Variants in STK24 observed in about 807,000 individuals in gnomAD.
The protein encoded by STK24 is serine/threonine-protein kinase 24.
Under a neutral mutation model 55.6 loss-of-function variants are expected in STK24, and 21 were observed. That is an observed-to-expected ratio of 0.38 (90% CI 0.27 to 0.54). STK24 has a LOEUF of 0.54. Among genes scored for constraint, STK24 ranks in the 20% least tolerant of loss-of-function variants. The probability of loss-of-function intolerance (pLI) is 0.79; values close to 1 mark genes in which losing one functional copy is unlikely to be tolerated. For missense variants in STK24, 383 were observed against 538.4 expected (o/e 0.71, Z 2.86); for synonymous variants, 200 against 215.2 (o/e 0.93, Z 0.62).
chr13:98,520,559 G>A (rs1473571207), intron 1 of STK24, among the ~76,000 whole-genome samples: 1 of 152,240 alleles, frequency 6.6e-6, no homozygotes, highest in African/African-American at 2.4e-5. Context: ...GAAAGAGAAT[G>A]AGGAGAAGAA....
chr13:98,469,028 C>A (rs17655129), intron 5 of STK24, among the ~76,000 whole-genome samples: 5 of 152,222 alleles, frequency 3.3e-5, no homozygotes, highest in Non-Finnish European at 7.3e-5. Context: ...GAGAGTACGT[C>A]GGTGATGCGC....
At chr13:98,466,600 A>G in intron 5 of STK24, 39 bp from the exon 6 acceptor site, 1 of 1,603,244 alleles carries the variant, frequency 6.2e-7, no homozygotes, top group Non-Finnish European at 8.5e-7. Context: ...ACCAAGCAGG[A>G]ATCTATTCCA....
intron 1 of STK24, among the ~76,000 whole-genome samples, chr13:98,539,070 G>T (rs1345419035): frequency 1.3e-5 from 2 of 152,274 alleles, no homozygotes; most frequent in East Asian, 1.9e-4. Context: ...ACACAGCAGA[G>T]CACCCGCTGT....
chr13:98,549,855 C>T (rs537939255), intron 1 of STK24, among the ~76,000 whole-genome samples: 1 of 152,296 alleles, frequency 6.6e-6, no homozygotes, highest in East Asian at 1.9e-4. Context: ...AAGGCCCCAC[C>T]TCGAAACACA....
At chr13:98,521,262 G>A (rs1446441436) in intron 1 of STK24, among the ~76,000 whole-genome samples, 4 of 148,316 alleles carry the variant, frequency 2.7e-5, no homozygotes, top group Admixed American at 2.7e-4. Context: ...GTGATTAATC[G>A]AGAGGCATTT....
At chr13:98,469,585 G>A (rs1425304920) in intron 5 of STK24, among the ~76,000 whole-genome samples, 2 of 151,776 alleles carry the variant, frequency 1.3e-5, no homozygotes, top group African/African-American at 4.8e-5. Flanking sequence ...CTACTAGGTA[G>A]CCATGCCAGG....
chr13:98,530,414 G>A (rs991398417), intron 1 of STK24, among the ~76,000 whole-genome samples: 2 of 152,130 alleles, frequency 1.3e-5, no homozygotes, highest in African/African-American at 4.8e-5. Flanking sequence ...TCTTGGATAT[G>A]GTCTTGGATG....
chr13:98,447,944 C>G lies in STK24; in HGVS notation c.*5229G>C. The G allele has an allele frequency of 2.2e-6, 1 of 448,086 alleles. No homozygotes were observed. Among genetic ancestry groups the G allele is most frequent in the East Asian group, 4.1e-5 (1 of 24,178 alleles). 27.8% of individuals were successfully genotyped at this position (448,086 alleles called of 1,614,324 possible). A position where few individuals can be genotyped will look rare whatever the true frequency, so the allele number is the denominator to read the frequency against. On this transcript the variant is annotated 3_prime_UTR_variant, in exon 11 of 11. Transcript: ENST00000539966. The stretch of plus-strand genomic sequence containing the variant: ...CCATGTCCATGAAAATAGGAGGTAG[C>G]GTTCTCCCCAGCAACCAGAGGCCAC...
intron 5 of STK24, among the ~76,000 whole-genome samples, chr13:98,468,108 T>A (rs1893989710): frequency 6.6e-6 from 1 of 152,208 alleles, no homozygotes; most frequent in South Asian, 2.1e-4. Context: ...ATCCAGAGGA[T>A]ACACTTACCA....
intron 1 of STK24, among the ~76,000 whole-genome samples, chr13:98,542,398 C>CAACAAA: frequency 6.6e-6 from 1 of 150,734 alleles, no homozygotes; most frequent in East Asian, 2.0e-4. Context: ...ACAACAACAA[C>CAACAAA]AAAAAAAACG....
At chr13:98,480,955 A>T (rs530730086) in intron 3 of STK24, among the ~76,000 whole-genome samples, 25 of 152,302 alleles carry the variant, frequency 1.6e-4, no homozygotes, top group South Asian at 1.5e-3. Flanking sequence ...ACTATGCTAA[A>T]GTAACACAGC....
Position 98,460,356 on chromosome 13 carries a change from C to T in STK24, c.1122+16G>A, listed in dbSNP as rs760619190. On this transcript the variant is annotated intron_variant, in intron 9 of 10. Coordinates refer to ENST00000539966, the MANE Select transcript of STK24 (RefSeq NM_001032296.4). Reference sequence around the variant, plus strand: ...CCCCTCCCCTCCCACTCCGAAAAGGCCAGCCAGGTACCTACCTCTGCAAAC... The same window carrying T: ...CCCCTCCCCTCCCACTCCGAAAAGGTCAGCCAGGTACCTACCTCTGCAAAC... 3.1e-6 allele frequency: 5 copies of T among 1,611,728 alleles called. No individual in the cohort carries two copies. Among genetic ancestry groups the T allele is most frequent in the Non-Finnish European group, 4.2e-6 (5 of 1,178,744 alleles).
chr13:98,525,231 A>G (rs967116589), intron 1 of STK24, among the ~76,000 whole-genome samples: 3 of 152,272 alleles, frequency 2.0e-5, no homozygotes, highest in African/African-American at 7.2e-5. Context: ...CAATTCTGCC[A>G]GCCTTCTTGA....
intron 1 of STK24, among the ~76,000 whole-genome samples, chr13:98,556,522 AAAC>A (rs141949871): frequency 2.1e-4 from 22 of 104,646 alleles, no homozygotes; most frequent in African/African-American, 6.8e-4. Context: ...TACAACTGAA[AAAC>A]AACAACAACA....
chr13:98,561,121 G>T (rs1566405842), intron 1 of STK24, among the ~76,000 whole-genome samples: 1 of 152,204 alleles, frequency 6.6e-6, no homozygotes, highest in Non-Finnish European at 1.5e-5. Context: ...AAGGGGTAAG[G>T]TGCCCAGCAG....
intron 3 of STK24, among the ~76,000 whole-genome samples, chr13:98,478,943 A>T (rs1894485701): frequency 6.6e-6 from 1 of 152,146 alleles, no homozygotes; most frequent in African/African-American, 2.4e-5. Flanking sequence ...CAAACGGTGT[A>T]ATTGACAGAC....
Position 98,453,070 on chromosome 13 carries a change from C to T in STK24, c.*103G>A, listed in dbSNP as rs1434065336. 32 of 1,383,086 alleles carry T rather than the reference C, an allele frequency of 2.3e-5. No homozygotes were observed. The highest frequency in any genetic ancestry group is 2.1e-4 in the East Asian group (9 of 42,188). The allele number at this position is 1,383,086 out of a possible 1,614,324, so 85.7% of individuals were successfully genotyped here. On this transcript the variant is annotated 3_prime_UTR_variant, in exon 11 of 11. Coordinates refer to ENST00000539966, the MANE Select transcript of STK24 (RefSeq NM_001032296.4). The stretch of plus-strand genomic sequence containing the variant: ...GGCGCTGGGGTGGCTCCCAGTGGCG[C>T]ACCTCTTCGGTGGAGTCAGCGAAGG...
intron 7 of STK24, among the ~76,000 whole-genome samples, chr13:98,462,552 T>A (rs571211458): frequency 2.0e-5 from 3 of 151,414 alleles, no homozygotes; most frequent in Non-Finnish European, 2.9e-5. Context: ...GCCATACCTC[T>A]CCCCTCTCAC....
At chr13:98,459,648 A>G (rs573223250) in intron 9 of STK24, among the ~76,000 whole-genome samples, 3 of 152,300 alleles carry the variant, frequency 2.0e-5, no homozygotes, top group Admixed American at 6.5e-5. Flanking sequence ...ACCCCTAAAC[A>G]CAGCCGCAGT....
Sources: allele counts gnomAD v4.1 joint callset (sites outside exome capture counted in the v4.1 genomes callset), GRCh38; gene constraint gnomAD v4.1.1; transcripts MANE v1.5; gene names NCBI Gene and HGNC (gene_info 2026-07-23, HGNC 2026-07-21).